Variants in FOXN2 observed in about 807,000 individuals in gnomAD.
The protein encoded by FOXN2 is forkhead box protein N2.
In FOXN2, 19 loss-of-function variants were observed where a neutral mutation model predicts 41.2. That is an observed-to-expected ratio of 0.46 (90% CI 0.32 to 0.68). The LOEUF (loss-of-function observed/expected upper bound fraction) is 0.68. FOXN2 is among the 30% of genes least tolerant of loss of function. The probability of loss-of-function intolerance (pLI) is 0.03; values close to 1 mark genes in which losing one functional copy is unlikely to be tolerated. For synonymous variants in FOXN2, 195 were observed against 176.8 expected (o/e 1.10, Z -0.82); for missense variants, 587 against 509.4 (o/e 1.15, Z -1.47).
At chr2:48,348,361 A>T (rs1161203769) in intron 3 of FOXN2, among the ~76,000 whole-genome samples, 1 of 151,806 alleles carries the variant, frequency 6.6e-6, no homozygotes, top group East Asian at 1.9e-4. Flanking sequence ...TTTAATTTCT[A>T]ATGTTTTCAT....
rs550935379 is a variant in FOXN2 at position 48,314,731 on chromosome 2, G to C, written c.-240G>C. On this transcript the variant is annotated 5_prime_UTR_variant, in exon 1 of 7. Coordinates refer to ENST00000340553, the MANE Select transcript of FOXN2 (RefSeq NM_002158.4). ...TTGCCGCGTCTTCCCGGAGGCGACT[G>C]CTGGAAGCTGCAGGGAACAGCTGCG... The C allele has an allele frequency of 7.9e-5, 12 of 152,800 alleles. No homozygotes were observed. The highest frequency in any genetic ancestry group is 2.9e-4 in the African/African-American group (12 of 41,586). The allele number at this position is 152,800 out of a possible 1,614,324, so 9.5% of individuals were successfully genotyped here.
At chr2:48,354,365 G>C (rs1268788681) in intron 3 of FOXN2, among the ~76,000 whole-genome samples, 1 of 152,142 alleles carries the variant, frequency 6.6e-6, no homozygotes, top group Middle Eastern at 3.2e-3. Context: ...ACTTTTGGAG[G>C]CTGAGGTGGG....
At chr2:48,320,839 G>A (rs1669264969) in intron 1 of FOXN2, among the ~76,000 whole-genome samples, 1 of 152,164 alleles carries the variant, frequency 6.6e-6, no homozygotes, top group African/African-American at 2.4e-5. Context: ...TTTATAGAAT[G>A]CTTACTCTGT....
chr2:48,366,004 C>G (rs890052555), intron 5 of FOXN2, among the ~76,000 whole-genome samples: 1 of 152,142 alleles, frequency 6.6e-6, no homozygotes, highest in South Asian at 2.1e-4. Flanking sequence ...TTGTGCCAGA[C>G]ACTGTTGGAG....
At chr2:48,345,789 C>G (rs1353323698) in intron 2 of FOXN2, among the ~76,000 whole-genome samples, 1 of 151,958 alleles carries the variant, frequency 6.6e-6, no homozygotes, top group African/African-American at 2.4e-5. Flanking sequence ...TTTCAAGATT[C>G]AACTATTTGT....
chr2:48,346,884 C>T, intron 3 of FOXN2, 133 bp downstream of exon 3: 2 of 674,226 alleles, frequency 3.0e-6, no homozygotes, highest in African/African-American at 1.8e-5. Context: ...GAATTATATT[C>T]ATTTGTTTTC....
intron 3 of FOXN2, among the ~76,000 whole-genome samples, chr2:48,347,400 G>A (rs566313838): frequency 5.9e-5 from 9 of 151,524 alleles, no homozygotes; most frequent in African/African-American, 1.7e-4. Context: ...GCTAATTTTC[G>A]TATTTTTAAT....
intron 3 of FOXN2, among the ~76,000 whole-genome samples, chr2:48,347,097 T>G (rs1377406642): frequency 6.6e-6 from 1 of 152,130 alleles, no homozygotes; most frequent in Non-Finnish European, 1.5e-5. Flanking sequence ...ACCATTTAAA[T>G]TAATGAAATT....
At chr2:48,322,342 C>G (rs919264017) in intron 1 of FOXN2, among the ~76,000 whole-genome samples, 18 of 151,962 alleles carry the variant, frequency 1.2e-4, no homozygotes, top group Admixed American at 2.6e-4. Flanking sequence ...CCACACAAAA[C>G]AAATGTGTAA....
chr2:48,366,930 G>T (rs1182305639), intron 5 of FOXN2, among the ~76,000 whole-genome samples: 3 of 151,514 alleles, frequency 2.0e-5, no homozygotes, highest in Non-Finnish European at 2.9e-5. Context: ...ATTATCATTG[G>T]CCTCCAATAT....
Position 48,368,292 on chromosome 2 carries a change from A to G in FOXN2, c.704-5000A>G, listed in dbSNP as rs150984538. Among the ~76,000 whole-genome samples the G allele has an allele frequency of 2.1e-3, 321 of 152,362 alleles. 1 individual carries two copies. The highest frequency in any genetic ancestry group is 7.5e-3 in the African/African-American group (311 of 41,584). On this transcript the variant is annotated intron_variant, in intron 5 of 6. Transcript: ENST00000340553. ...TTTTAAAAACAGAGCCACCTTTAAA[A>G]TAGAATAAAGTACTTTATCAATGAA... is the stretch of plus-strand genomic sequence containing the variant.
chr2:48,368,861 G>A (rs974923999), intron 5 of FOXN2, among the ~76,000 whole-genome samples: 16 of 152,140 alleles, frequency 1.1e-4, no homozygotes, highest in African/African-American at 3.4e-4. Context: ...ATCATTCATT[G>A]CTTATTTTTA....
chr2:48,322,977 T>G (rs1480974913), intron 1 of FOXN2, among the ~76,000 whole-genome samples: 1 of 151,536 alleles, frequency 6.6e-6, no homozygotes, highest in African/African-American at 2.4e-5. Context: ...ATTTATACTG[T>G]GCTAGGAATA....
At chr2:48,364,465 T>C (rs1334794058) in intron 5 of FOXN2, among the ~76,000 whole-genome samples, 1 of 152,220 alleles carries the variant, frequency 6.6e-6, no homozygotes, top group Admixed American at 6.5e-5. Context: ...TACACTTGCA[T>C]GCGTGTATGT....
chr2:48,327,111 T>A lies in FOXN2; in HGVS notation c.-156-1450T>A, dbSNP rs528846279. Among the ~76,000 whole-genome samples the A allele has an allele frequency of 3.7e-4, 57 of 152,184 alleles. No individual in the cohort carries two copies. The South Asian group carries it at 0.011, about 29-fold the overall frequency. ...CAGACCAGACCTCTTTCCTGAACTT[T>A]ACGTCACGTATATCCCAAATGCCTG... On this transcript the variant is annotated intron_variant, in intron 1 of 6. Coordinates refer to ENST00000340553, the MANE Select transcript of FOXN2 (RefSeq NM_002158.4).
At chr2:48,341,001 T>C (rs577202485) in intron 2 of FOXN2, among the ~76,000 whole-genome samples, 55 of 152,358 alleles carry the variant, frequency 3.6e-4, no homozygotes, top group African/African-American at 1.2e-3. Flanking sequence ...GTTGTATTAA[T>C]TACTTGGATT....
At position 48,346,896 on chromosome 2, in the gene FOXN2, C is replaced by G. The variant is rs182571979; in HGVS notation, c.537+145C>G. ...ACTGAATTATATTCATTTGTTTTCA[C>G]TTGAGATGTTTTAAAATTTCTTAAA... On this transcript the variant is annotated intron_variant, in intron 3 of 6. Coordinates refer to ENST00000340553, the MANE Select transcript of FOXN2 (RefSeq NM_002158.4). The G allele has an allele frequency of 5.6e-4, 364 of 646,676 alleles. 2 individuals carry two copies. In the African/African-American group the frequency reaches 6.2e-3, roughly 11 times the overall value. 40.1% of individuals were successfully genotyped at this position (646,676 alleles called of 1,614,324 possible).
At chr2:48,361,701 C>T (rs1413630823) in intron 4 of FOXN2, among the ~76,000 whole-genome samples, 1 of 151,752 alleles carries the variant, frequency 6.6e-6, no homozygotes, top group East Asian at 1.9e-4. Flanking sequence ...AGTTCGTTAA[C>T]AAATAGATTT....
At chr2:48,344,677 C>G (rs966634674) in intron 2 of FOXN2, among the ~76,000 whole-genome samples, 4 of 152,160 alleles carry the variant, frequency 2.6e-5, no homozygotes, top group Non-Finnish European at 5.9e-5. Context: ...CTAACTACTT[C>G]TGGTGGTAGC....
Sources: gnomAD v4.1 joint callset for allele counts (sites outside exome capture counted in the v4.1 genomes callset) on GRCh38, gnomAD v4.1.1 for gene constraint, MANE v1.5 for transcripts, NCBI Gene and HGNC (gene_info 2026-07-23, HGNC 2026-07-21) for gene names.